The following CCDC146 variants were observed in gnomAD, a reference collection of about 807,000 sequenced individuals.
CCDC146 encodes coiled-coil domain containing 146.
Under a neutral mutation model 119.3 loss-of-function variants are expected in CCDC146, and 92 were observed. That is an observed-to-expected ratio of 0.77 (90% CI 0.65 to 0.92). The LOEUF is 0.92. Among genes scored for constraint, CCDC146 ranks in the 40% least tolerant of loss-of-function variants. The pLI, the probability that CCDC146 is intolerant of heterozygous loss-of-function variation, is 0.00. For synonymous variants in CCDC146, 372 were observed against 371.8 expected, an observed-to-expected ratio of 1.00 and a Z score of -0.01; for missense variants, 1,000 against 1,103.0, an observed-to-expected ratio of 0.91 and a Z score of 1.32.
chr7:77,291,260 T>G (rs1190192488), intron 17 of CCDC146, among the ~76,000 whole-genome samples: 1 of 152,188 alleles, frequency 6.6e-6, no homozygotes, highest in African/African-American at 2.4e-5. Flanking sequence ...CCACTATGGC[T>G]ATCAGACTAA....
intron 2 of CCDC146, among the ~76,000 whole-genome samples, chr7:77,180,664 T>C (rs906634005): frequency 1.3e-5 from 2 of 152,114 alleles, no homozygotes; most frequent in African/African-American, 2.4e-5. Context: ...CTCTACTGCA[T>C]TCCAGTCTAG....
At chr7:77,274,405 G>A in intron 10 of CCDC146, 77 bp from the exon 11 acceptor site, 1 of 955,762 alleles carries the variant, frequency 1.0e-6, no homozygotes, top group South Asian at 1.9e-5. Context: ...GAAGTAAAAA[G>A]GTAGTCTAAG....
At chr7:77,145,435 TTA>T (rs1705603142) in intron 1 of CCDC146, among the ~76,000 whole-genome samples, 1 of 151,818 alleles carries the variant, frequency 6.6e-6, no homozygotes, top group African/African-American at 2.4e-5. Context: ...TTCTCTGATC[TTA>T]GTTATTTCTT....
chr7:77,289,879 A>G (rs1793913064), intron 17 of CCDC146, among the ~76,000 whole-genome samples: 2 of 152,266 alleles, frequency 1.3e-5, no homozygotes, highest in Non-Finnish European at 2.9e-5. Flanking sequence ...AGTGGTTGCC[A>G]TCCCATTACT....
chr7:77,149,193 T>A (rs1791070171), intron 1 of CCDC146, among the ~76,000 whole-genome samples: 1 of 152,096 alleles, frequency 6.6e-6, no homozygotes, highest in Admixed American at 6.5e-5. Flanking sequence ...AACCATCTGA[T>A]CTTTGAGCAA....
intron 1 of CCDC146, among the ~76,000 whole-genome samples, chr7:77,124,711 T>TGA (rs1790668837): frequency 2.0e-5 from 3 of 152,358 alleles, no homozygotes; most frequent in Admixed American, 2.0e-4. Flanking sequence ...TCTGTGGTCA[T>TGA]GAACATATAC....
At chr7:77,280,744 G>A in intron 14 of CCDC146, 91 bp downstream of exon 14, 2 of 853,696 alleles carry the variant, frequency 2.3e-6, no homozygotes, top group Middle Eastern at 2.3e-4. Context: ...AATAGTGAGG[G>A]AAATGTGATA....
At chr7:77,231,206 C>T (rs1310686643) in intron 2 of CCDC146, among the ~76,000 whole-genome samples, 2 of 152,174 alleles carry the variant, frequency 1.3e-5, no homozygotes, top group East Asian at 3.9e-4. Context: ...GATTGCTGTG[C>T]TTGTCTTCAA....
chr7:77,151,412 G>T (rs1791107146), intron 1 of CCDC146, among the ~76,000 whole-genome samples: 1 of 151,952 alleles, frequency 6.6e-6, no homozygotes, highest in Non-Finnish European at 1.5e-5. Flanking sequence ...ATAGGGTGAG[G>T]TACTGATTGT....
intron 2 of CCDC146, among the ~76,000 whole-genome samples, chr7:77,219,333 T>A (rs530432749): frequency 1.7e-4 from 26 of 151,842 alleles, no homozygotes; most frequent in Non-Finnish European, 3.4e-4. Flanking sequence ...TTTAAAATTA[T>A]ACTTTGTTAT....
intron 16 of CCDC146, 164 bp downstream of exon 16, chr7:77,287,090 T>G: frequency 2.5e-6 from 2 of 812,398 alleles, no homozygotes; most frequent in East Asian, 5.4e-5. Context: ...TAAGCTTGAT[T>G]TAGACACTTG....
At chr7:77,263,796 C>A (rs1176921724) in intron 9 of CCDC146, among the ~76,000 whole-genome samples, 1 of 152,096 alleles carries the variant, frequency 6.6e-6, no homozygotes, top group Non-Finnish European at 1.5e-5. Flanking sequence ...TGCTGGTGCA[C>A]ACCCATGATC....
At chr7:77,155,081 C>T (rs1314332419) in intron 1 of CCDC146, among the ~76,000 whole-genome samples, 3 of 152,340 alleles carry the variant, frequency 2.0e-5, no homozygotes, top group Middle Eastern at 6.8e-3. Context: ...CTGCTGACTG[C>T]TAAATTATTT....
chr7:77,243,271 A>G (rs979413426), intron 4 of CCDC146, among the ~76,000 whole-genome samples: 1 of 152,222 alleles, frequency 6.6e-6, no homozygotes, highest in Non-Finnish European at 1.5e-5. Flanking sequence ...ATTCACTGAG[A>G]TGGGAAGGAG....
At chr7:77,197,587 T>G (rs1479056120) in intron 2 of CCDC146, among the ~76,000 whole-genome samples, 1 of 152,232 alleles carries the variant, frequency 6.6e-6, no homozygotes, top group Non-Finnish European at 1.5e-5. Context: ...CAGGCTTCTA[T>G]TTTCTTTCAC....
At chr7:77,258,635 A>G (rs1328622781) in intron 6 of CCDC146, among the ~76,000 whole-genome samples, 1 of 152,216 alleles carries the variant, frequency 6.6e-6, no homozygotes, top group Admixed American at 6.5e-5. Context: ...AGGCTAAGCT[A>G]TGATTTCAGT....
At chr7:77,275,843 G>A (rs1793624358) in intron 11 of CCDC146, among the ~76,000 whole-genome samples, 1 of 152,068 alleles carries the variant, frequency 6.6e-6, no homozygotes, top group South Asian at 2.1e-4. Context: ...TCCATATAAG[G>A]ATTATGTCCA....
At chr7:77,223,464 C>A (rs1165841084) in intron 2 of CCDC146, among the ~76,000 whole-genome samples, 2 of 151,672 alleles carry the variant, frequency 1.3e-5, no homozygotes, top group Admixed American at 1.3e-4. Flanking sequence ...AAAGAAGGAA[C>A]AAACAGCTGT....
intron 4 of CCDC146, among the ~76,000 whole-genome samples, chr7:77,252,742 A>G (rs1793099391): frequency 6.6e-6 from 1 of 152,252 alleles, no homozygotes; most frequent in Admixed American, 6.5e-5. Context: ...TGCAATAAGA[A>G]CAAATCTTAA....
Sources: gnomAD v4.1 joint callset for allele counts (sites outside exome capture counted in the v4.1 genomes callset) on GRCh38, gnomAD v4.1.1 for gene constraint, MANE v1.5 for transcripts, NCBI Gene and HGNC (gene_info 2026-07-23, HGNC 2026-07-21) for gene names.